DCP1A: variants seen among roughly 807,000 people sequenced by gnomAD.
The protein encoded by DCP1A is decapping mRNA 1A.
DCP1A carries 20 observed loss-of-function variants against 58.0 expected under a neutral mutation model. The observed-to-expected ratio is 0.34, with a 90% CI of 0.24 to 0.50. The LOEUF (loss-of-function observed/expected upper bound fraction) is 0.50. Ranked by LOEUF, DCP1A falls within the 20% of genes least tolerant of loss-of-function variation. DCP1A has a pLI of 0.98. For missense variants in DCP1A, 613 were observed against 712.2 expected (o/e 0.86, Z 1.59); for synonymous variants, 285 against 275.1 (o/e 1.04, Z -0.36).
chr3:53,332,842 A>G (rs1553691483), intron 3 of DCP1A, among the ~76,000 whole-genome samples: 1 of 151,756 alleles, frequency 6.6e-6, no homozygotes. Context: ...TGGGTGACAA[A>G]GCAAGACTCC....
chr3:53,329,402 A>C (rs2358733), intron 3 of DCP1A: 1 of 398,502 alleles, frequency 2.5e-6, no homozygotes, highest in African/African-American at 2.1e-5. Context: ...AAAAGTGATA[A>C]GTGAAGCAGA....
At chr3:53,291,472 C>T (rs940145890) in intron 7 of DCP1A, among the ~76,000 whole-genome samples, 2 of 151,854 alleles carry the variant, frequency 1.3e-5, no homozygotes, top group Admixed American at 6.6e-5. Context: ...CACCTCCCCC[C>T]ACCTTCCCAC....
intron 8 of DCP1A, 108 bp downstream of exon 8, chr3:53,290,683 G>A: frequency 1.1e-6 from 1 of 876,730 alleles, no homozygotes; most frequent in Non-Finnish European, 1.8e-6. Context: ...ACTGTTCACA[G>A]CCAGTTACAG....
At position 53,319,958 on chromosome 3, in the gene DCP1A, C is replaced by T. The variant is rs185563406; in HGVS notation, c.305-485G>A. On this transcript the variant is annotated intron_variant, in intron 3 of 9. Coordinates refer to ENST00000610213, the MANE Select transcript of DCP1A (RefSeq NM_018403.7). ...CAGCCTGGCCAACATAGGTGAAACCCGTCTCTACTAAAAATACAAAAATTA... is the reference window on the plus strand; with the variant it reads ...CAGCCTGGCCAACATAGGTGAAACCTGTCTCTACTAAAAATACAAAAATTA... 1.1e-3 allele frequency among the ~76,000 whole-genome samples: 169 copies of T among 151,828 alleles called. 1 individual carries two copies. Among genetic ancestry groups the T allele is most frequent in the African/African-American group, 4.0e-3 (164 of 41,378 alleles).
At chr3:53,340,614 CT>C (rs1661377194) in intron 3 of DCP1A, among the ~76,000 whole-genome samples, 3 of 143,594 alleles carry the variant, frequency 2.1e-5, no homozygotes. Flanking sequence ...TTAACTTTTA[CT>C]TTTTAAGTTA....
intron 4 of DCP1A, 99 bp downstream of exon 4, chr3:53,319,308 T>A: frequency 2.8e-6 from 2 of 725,842 alleles, no homozygotes; most frequent in Admixed American, 3.0e-5. Flanking sequence ...ATTGGGGAAA[T>A]ACATGAGTTG....
At chr3:53,317,463 C>A (rs1248580933) in intron 4 of DCP1A, among the ~76,000 whole-genome samples, 1 of 152,092 alleles carries the variant, frequency 6.6e-6, no homozygotes, top group Middle Eastern at 3.2e-3. Flanking sequence ...CCGCGCCCAG[C>A]CAACCCTGTG....
In DCP1A at chr3:53,285,990, A is replaced by G. The variant is rs181875604; in HGVS notation, c.*1590T>C. 6.6e-6 allele frequency: 1 copy of G among 152,350 alleles called. No homozygotes were observed. The highest frequency in any genetic ancestry group is 1.5e-5 in the Non-Finnish European group (1 of 68,038). The allele number at this position is 152,350 out of a possible 1,614,324, so 9.4% of individuals were successfully genotyped here. ...ATTCACACATAATTAGGTAGACAGCAATAGAAGACACTAAAATGAGAAGCA... is the reference window on the plus strand; with the variant it reads ...ATTCACACATAATTAGGTAGACAGCGATAGAAGACACTAAAATGAGAAGCA... On this transcript the variant is annotated 3_prime_UTR_variant, in exon 10 of 10. Coordinates refer to ENST00000610213, the MANE Select transcript of DCP1A (RefSeq NM_018403.7).
chr3:53,334,765 G>A (rs901001274), intron 3 of DCP1A, among the ~76,000 whole-genome samples: 5 of 152,122 alleles, frequency 3.3e-5, no homozygotes, highest in Admixed American at 6.5e-5. Flanking sequence ...TACCCGTCAC[G>A]CGCTGCAAAT....
chr3:53,323,861 CAAAAAA>C (rs11451581), intron 3 of DCP1A, among the ~76,000 whole-genome samples: 1 of 72,802 alleles, frequency 1.4e-5, no homozygotes, highest in Admixed American at 1.6e-4. Context: ...GACTCTGTCT[CAAAAAA>C]AAAAAAAAAA....
chr3:53,337,865 A>G (rs1318731421), intron 3 of DCP1A, among the ~76,000 whole-genome samples: 1 of 152,236 alleles, frequency 6.6e-6, no homozygotes, highest in East Asian at 1.9e-4. Context: ...AAATTAAATA[A>G]ACTAAAAAGA....
At position 53,288,220 on chromosome 3, in the gene DCP1A, T is replaced by C. The variant is rs781984644; in HGVS notation, c.1513A>G (p.Ser505Gly). The change falls in exon 9 of 10, where the codon AGT becomes GGT. Residue 505 changes from serine (S) to glycine (G), a missense_variant. Physicochemically the swap from Ser to Gly is moderately conservative, Grantham distance 56. This residue lies in a region of DCP1A where 498 missense variants were observed against 556.7 expected (regional missense o/e 0.89). Coordinates refer to ENST00000610213, the MANE Select transcript of DCP1A (RefSeq NM_018403.7). Reference protein sequence around the residue: ...TAVSSVLLAPSVFQQTVTRSS... With the variant: ...TAVSSVLLAPGVFQQTVTRSS... Reference sequence around the variant, plus strand: ...CTTGTAACTGTCTGCTGGAAAACACTTGGGGCCAGCAGGACTGAAGACACT... The same window carrying C: ...CTTGTAACTGTCTGCTGGAAAACACCTGGGGCCAGCAGGACTGAAGACACT... The C allele has an allele frequency of 8.1e-6, 13 of 1,613,828 alleles. No individual in the cohort carries two copies. In the East Asian group the frequency reaches 2.0e-4, roughly 25 times the overall value.
At chr3:53,328,919 A>G (rs1708183163) in intron 3 of DCP1A, 1 of 154,082 alleles carries the variant, frequency 6.5e-6, no homozygotes, top group African/African-American at 2.4e-5. Flanking sequence ...CACTGATTAC[A>G]GAATCATACC....
At chr3:53,342,065 C>G (rs1424589368) in intron 3 of DCP1A, 79 bp downstream of exon 3, 8 of 1,284,732 alleles carry the variant, frequency 6.2e-6, no homozygotes, top group Non-Finnish European at 8.6e-6. Flanking sequence ...TAATTTGAAA[C>G]TTCCTAAATA....
chr3:53,346,226 A>G (rs1181502797), intron 1 of DCP1A, among the ~76,000 whole-genome samples: 3 of 152,238 alleles, frequency 2.0e-5, no homozygotes, highest in African/African-American at 7.2e-5. Context: ...AAAACAATCT[A>G]CAATTTTATT....
At chr3:53,320,179 A>G (rs1245407316) in intron 3 of DCP1A, among the ~76,000 whole-genome samples, 1 of 151,830 alleles carries the variant, frequency 6.6e-6, no homozygotes, top group Non-Finnish European at 1.5e-5. Flanking sequence ...TTCAAAACAA[A>G]CCCCAGCTCT....
intron 3 of DCP1A, among the ~76,000 whole-genome samples, chr3:53,328,481 G>A (rs973070657): frequency 6.6e-6 from 1 of 151,670 alleles, no homozygotes; most frequent in Non-Finnish European, 1.5e-5. Context: ...ATACAGGCAT[G>A]GTTAACTTTA....
chr3:53,337,289 T>C (rs1198535594), intron 3 of DCP1A, among the ~76,000 whole-genome samples: 1 of 152,204 alleles, frequency 6.6e-6, no homozygotes, highest in Non-Finnish European at 1.5e-5. Context: ...CTGCAGCTCA[T>C]GCATGGTACT....
chr3:53,296,401 AG>A (rs1394067272), intron 6 of DCP1A, among the ~76,000 whole-genome samples: 1 of 152,242 alleles, frequency 6.6e-6, no homozygotes, highest in African/African-American at 2.4e-5. Flanking sequence ...CATTCCATCT[AG>A]GTCAAAATAG....
Sources: allele counts gnomAD v4.1 joint callset (sites outside exome capture counted in the v4.1 genomes callset), GRCh38; gene constraint gnomAD v4.1.1; regional missense constraint gnomAD v4.1.1; transcripts MANE v1.5; gene names NCBI Gene and HGNC (gene_info 2026-07-23, HGNC 2026-07-21).